Variants in OSBP2 observed in about 807,000 individuals in gnomAD.
OSBP2 encodes oxysterol binding protein 2.
Under a neutral mutation model 96.0 loss-of-function variants are expected in OSBP2, and 66 were observed. The observed-to-expected ratio is 0.69, with a 90% CI of 0.56 to 0.84. The LOEUF (loss-of-function observed/expected upper bound fraction) is 0.84. Ranked by LOEUF, OSBP2 falls within the 40% of genes least tolerant of loss-of-function variation. The pLI is 0.00. For missense variants in OSBP2, 1,038 were observed against 1,222.7 expected, an observed-to-expected ratio of 0.85 and a Z score of 2.25; for synonymous variants, 525 against 520.9, an observed-to-expected ratio of 1.01 and a Z score of -0.11.
chr22:30,877,033 G>A (rs780995700), intron 3 of OSBP2, among the ~76,000 whole-genome samples: 1 of 152,102 alleles, frequency 6.6e-6, no homozygotes, highest in Non-Finnish European at 1.5e-5. Context: ...TCTTTCCACT[G>A]CAGCATCTTC....
At chr22:30,794,954 A>T (rs1026767397) in intron 2 of OSBP2, among the ~76,000 whole-genome samples, 84 of 148,286 alleles carry the variant, frequency 5.7e-4, no homozygotes, top group African/African-American at 2.1e-3. Context: ...TCTGTCACCC[A>T]GGCTGGAGTG....
intron 2 of OSBP2, among the ~76,000 whole-genome samples, chr22:30,839,242 C>G (rs2038697917): frequency 6.8e-6 from 1 of 146,098 alleles, no homozygotes; most frequent in Non-Finnish European, 1.5e-5. Context: ...TTAATCCAGT[C>G]TATCATTGTT....
At chr22:30,706,479 T>G (rs2089255553) in intron 1 of OSBP2, among the ~76,000 whole-genome samples, 1 of 152,182 alleles carries the variant, frequency 6.6e-6, no homozygotes, top group Admixed American at 6.5e-5. Flanking sequence ...TCTGCATTGC[T>G]GGGCCATTGC....
chr22:30,875,572 A>T (rs1161129538), intron 3 of OSBP2, among the ~76,000 whole-genome samples: 1 of 152,018 alleles, frequency 6.6e-6, no homozygotes, highest in African/African-American at 2.4e-5. Flanking sequence ...ACGTTTCTCC[A>T]TGTTGGTCAG....
intron 2 of OSBP2, among the ~76,000 whole-genome samples, chr22:30,869,433 G>A (rs777515815): frequency 2.6e-5 from 4 of 152,258 alleles, no homozygotes; most frequent in Non-Finnish European, 4.4e-5. Context: ...GAGAATGGCT[G>A]TGTTCCTGCA....
chr22:30,781,094 G>A (rs1342324720), intron 2 of OSBP2, among the ~76,000 whole-genome samples: 2 of 151,338 alleles, frequency 1.3e-5, no homozygotes, highest in Non-Finnish European at 2.9e-5. Flanking sequence ...TCCTGTCTCA[G>A]CCTCCCAAGT....
At chr22:30,780,740 C>T (rs781560861) in intron 2 of OSBP2, among the ~76,000 whole-genome samples, 7 of 152,304 alleles carry the variant, frequency 4.6e-5, no homozygotes, top group South Asian at 2.1e-4. Flanking sequence ...TCAGGTGATC[C>T]GCTCGTCTTG....
chr22:30,794,355 G>A lies in OSBP2; in HGVS notation c.853+52986G>A, dbSNP rs563356707. ...CGACTCATTGCAACCTCCGCCTCCC[G>A]GTGGGTTCCAGTGATTCTCCTGCCT... On this transcript the variant is annotated intron_variant, in intron 2 of 13. Transcript: ENST00000332585. Among the ~76,000 whole-genome samples the A allele has an allele frequency of 1.9e-3, 287 of 148,638 alleles. 4 individuals are homozygous for A. In the South Asian group the frequency reaches 0.038, roughly 19 times the overall value.
At chr22:30,853,523 AT>A (rs1299175468) in intron 2 of OSBP2, among the ~76,000 whole-genome samples, 2 of 152,064 alleles carry the variant, frequency 1.3e-5, no homozygotes, top group Non-Finnish European at 1.5e-5. Flanking sequence ...TATTTTATCT[AT>A]TTTTTAATAT....
chr22:30,745,766 G>A (rs1030141935), intron 2 of OSBP2, among the ~76,000 whole-genome samples: 1 of 151,238 alleles, frequency 6.6e-6, no homozygotes, highest in Non-Finnish European at 1.5e-5. Context: ...TTGGTTCTTT[G>A]AAAAGACTGA....
chr22:30,807,804 G>A (rs2090949361), intron 2 of OSBP2, among the ~76,000 whole-genome samples: 1 of 152,134 alleles, frequency 6.6e-6, no homozygotes, highest in Admixed American at 6.6e-5. Context: ...TTTTGTGGTG[G>A]TCTTTCTCTG....
At chr22:30,762,227 A>G (rs1010242989) in intron 2 of OSBP2, among the ~76,000 whole-genome samples, 7 of 151,690 alleles carry the variant, frequency 4.6e-5, no homozygotes, top group African/African-American at 1.7e-4. Flanking sequence ...ATCTCAAAAA[A>G]TAAAAAATAA....
intron 2 of OSBP2, among the ~76,000 whole-genome samples, chr22:30,745,592 G>C (rs1309523718): frequency 4.0e-5 from 6 of 151,442 alleles, no homozygotes; most frequent in African/African-American, 7.3e-5. Context: ...ACTTGAACCG[G>C]GGAGGCAGAG....
intron 2 of OSBP2, among the ~76,000 whole-genome samples, chr22:30,853,193 A>G (rs1228191221): frequency 6.6e-6 from 1 of 152,178 alleles, no homozygotes; most frequent in Non-Finnish European, 1.5e-5. Context: ...ATCTACTTCT[A>G]TCAGCTGTAT....
chr22:30,745,666 C>CAAAAAA (rs71328868), intron 2 of OSBP2, among the ~76,000 whole-genome samples: 1 of 58,670 alleles, frequency 1.7e-5, no homozygotes, highest in Non-Finnish European at 3.2e-5. Context: ...GACTCTGTCT[C>CAAAAAA]AAAAAAAAAA....
intron 2 of OSBP2, among the ~76,000 whole-genome samples, chr22:30,863,363 C>T (rs2147092658): frequency 6.6e-6 from 1 of 152,198 alleles, no homozygotes; most frequent in East Asian, 1.9e-4. Context: ...GGCGAGGGTG[C>T]AGTTTTCTGG....
intron 2 of OSBP2, among the ~76,000 whole-genome samples, chr22:30,834,685 T>C (rs1348078437): frequency 6.6e-6 from 1 of 152,228 alleles, no homozygotes; most frequent in African/African-American, 2.4e-5. Flanking sequence ...CCTTTGCCTA[T>C]TATCTATTTG....
At chr22:30,817,279 A>C (rs1432153929) in intron 2 of OSBP2, among the ~76,000 whole-genome samples, 1 of 152,222 alleles carries the variant, frequency 6.6e-6, no homozygotes, top group Non-Finnish European at 1.5e-5. Context: ...TATGCCTCAC[A>C]AACACTTGGA....
In OSBP2 at chr22:30,793,152, G is replaced by C. The variant is rs575096185; in HGVS notation, c.853+51783G>C. ...CGCCTGTAATCCCAACACTTTGGGA[G>C]GCTAAGGTGGGCGGATCACTTGAGG... On this transcript the variant is annotated intron_variant, in intron 2 of 13. Transcript: ENST00000332585. Among the ~76,000 whole-genome samples the C allele has an allele frequency of 4.6e-5, 7 of 152,358 alleles. No individual in the cohort carries two copies. The South Asian group carries it at 1.4e-3, about 32-fold the overall frequency.
Sources: gnomAD v4.1 joint callset for allele counts (sites outside exome capture counted in the v4.1 genomes callset) on GRCh38, gnomAD v4.1.1 for gene constraint, MANE v1.5 for transcripts, NCBI Gene and HGNC (gene_info 2026-07-23, HGNC 2026-07-21) for gene names.